ADRA1A: variants seen among roughly 807,000 people sequenced by gnomAD.
ADRA1A encodes the protein alpha-1A adrenergic receptor.
In ADRA1A, 31 loss-of-function variants were observed where a neutral mutation model predicts 29.6. The ratio of observed to expected loss-of-function variants is 1.05; its 90% CI spans 0.79 to 1.41. The LOEUF is 1.41. ADRA1A is among the 40% of genes most tolerant of loss of function. The pLI is 0.00. For missense variants in ADRA1A, 619 were observed against 601.1 expected (o/e 1.03, Z -0.31); for synonymous variants, 311 against 254.3 (o/e 1.22, Z -2.12).
chr8:26,857,870 T>C (rs1183883290), intron 2 of ADRA1A, among the ~76,000 whole-genome samples: 1 of 152,204 alleles, frequency 6.6e-6, no homozygotes, highest in African/African-American at 2.4e-5. Flanking sequence ...TTTTTCCTTG[T>C]CATTTTTCAT....
intron 2 of ADRA1A, among the ~76,000 whole-genome samples, chr8:26,759,422 A>G (rs530801685): frequency 6.6e-6 from 1 of 152,310 alleles, no homozygotes; most frequent in South Asian, 2.1e-4. Flanking sequence ...TTATTTAAAT[A>G]TTTGTAATGC....
chr8:26,847,215 A>G (rs1456640767), intron 2 of ADRA1A, among the ~76,000 whole-genome samples: 1 of 152,096 alleles, frequency 6.6e-6, no homozygotes, highest in African/African-American at 2.4e-5. Flanking sequence ...AACTTAAAGT[A>G]TAATAATAAT....
At position 26,768,869 on chromosome 8, in the gene ADRA1A, C is replaced by T; in HGVS notation, c.*1280G>A. The T allele has an allele frequency of 1.0e-6, 1 of 985,078 alleles. No homozygotes were observed. Among genetic ancestry groups the T allele is most frequent in the Non-Finnish European group, 1.2e-6 (1 of 829,670 alleles). 61.0% of individuals were successfully genotyped at this position (985,078 alleles called of 1,614,324 possible). A position where few individuals can be genotyped will look rare whatever the true frequency, so the allele number is the denominator to read the frequency against. ...TACATAAAGCAAAATATAGCATGTTCCCCAAGCTCTTGCAGAAAAGTAGGA... is the reference window on the plus strand; with the variant it reads ...TACATAAAGCAAAATATAGCATGTTTCCCAAGCTCTTGCAGAAAAGTAGGA... On this transcript the variant is annotated 3_prime_UTR_variant, in exon 3 of 3. Transcript: ENST00000380573.
chr8:26,796,054 G>A lies in ADRA1A; in HGVS notation c.884-25388C>T, dbSNP rs1808170293. The stretch of plus-strand genomic sequence containing the variant: ...TTTGTTTAGATATAATAGTATTATT[G>A]TTATACATTTCAAAAAAAGAGTAAT... On this transcript the variant is annotated intron_variant, in intron 2 of 2. Coordinates refer to ENST00000380573, the MANE Select transcript of ADRA1A (RefSeq NM_000680.4). The surrounding 1 kb of genome is among the most constrained non-coding windows in gnomAD (Gnocchi z 5.0). Among the ~76,000 whole-genome samples the A allele has an allele frequency of 6.6e-6, 1 of 151,988 alleles. No individual in the cohort carries two copies. The highest frequency in any genetic ancestry group is 2.4e-5 in the African/African-American group (1 of 41,404).
chr8:26,804,831 T>C (rs1332224046), intron 2 of ADRA1A, among the ~76,000 whole-genome samples: 1 of 152,214 alleles, frequency 6.6e-6, no homozygotes, highest in Non-Finnish European at 1.5e-5. Flanking sequence ...ATAGTAATTA[T>C]AAGATCTGAT....
chr8:26,783,155 C>T (rs1435897333), intron 2 of ADRA1A, among the ~76,000 whole-genome samples: 2 of 152,152 alleles, frequency 1.3e-5, no homozygotes, highest in African/African-American at 4.8e-5. Flanking sequence ...CACTATCCCT[C>T]CCTTGAGTAA....
rs1014696145 is a variant in ADRA1A, at chr8:26,823,509, T to C, written c.883+40578A>G. Among the ~76,000 whole-genome samples the C allele has an allele frequency of 5.3e-5, 8 of 152,296 alleles. No homozygotes were observed. Among genetic ancestry groups the C allele is most frequent in the African/African-American group, 1.9e-4 (8 of 41,568 alleles). ...TATTGTTCTCTCATAAAAACTGAAT[T>C]CTATGAAGAACAAAACCTTTCCTCC... is the stretch of plus-strand genomic sequence containing the variant. On this transcript the variant is annotated intron_variant, in intron 2 of 2. Coordinates refer to ENST00000380573, the MANE Select transcript of ADRA1A (RefSeq NM_000680.4). This position sits in a 1 kb window ranked among gnomAD's most constrained non-coding sequence, Gnocchi z 4.2.
At position 26,805,215 on chromosome 8, in the gene ADRA1A, C is replaced by T. The variant is rs1415883743; in HGVS notation, c.884-34549G>A. Among the ~76,000 whole-genome samples the T allele has an allele frequency of 4.6e-5, 7 of 152,354 alleles. No individual in the cohort carries two copies. The highest frequency in any genetic ancestry group is 4.1e-4 in the South Asian group (2 of 4,828). On this transcript the variant is annotated intron_variant, in intron 2 of 2. Transcript: ENST00000380573. This position sits in a 1 kb window ranked among gnomAD's most constrained non-coding sequence, Gnocchi z 4.8. ...TCACCTCTGCCTACCTGGCTCTTCACGTGAAGTCGCCTTCCTCATTTGTCC... is the reference window on the plus strand; with the variant it reads ...TCACCTCTGCCTACCTGGCTCTTCATGTGAAGTCGCCTTCCTCATTTGTCC...
intron 2 of ADRA1A, among the ~76,000 whole-genome samples, chr8:26,818,290 A>G (rs891581371): frequency 6.6e-6 from 1 of 152,218 alleles, no homozygotes; most frequent in Non-Finnish European, 1.5e-5. Context: ...ACTGGACACT[A>G]CAAAGATAAA....
At chr8:26,816,439 C>A (rs1396977821) in intron 2 of ADRA1A, among the ~76,000 whole-genome samples, 1 of 152,146 alleles carries the variant, frequency 6.6e-6, no homozygotes, top group Non-Finnish European at 1.5e-5. Context: ...CCATGTGCTG[C>A]CCCTGGAACC....
chr8:26,812,614 G>C (rs1809470108), intron 2 of ADRA1A, among the ~76,000 whole-genome samples: 1 of 148,648 alleles, frequency 6.7e-6, no homozygotes, highest in Non-Finnish European at 1.5e-5. Context: ...CCAAAAAAGG[G>C]AGTTGCCTTT....
chr8:26,789,034 C>T (rs1471436698), intron 2 of ADRA1A, among the ~76,000 whole-genome samples: 1 of 152,124 alleles, frequency 6.6e-6, no homozygotes, highest in Admixed American at 6.5e-5. Flanking sequence ...GCTGCATGCA[C>T]CAACACGTCA....
chr8:26,837,931 G>A (rs988575061), intron 2 of ADRA1A, among the ~76,000 whole-genome samples: 3 of 152,198 alleles, frequency 2.0e-5, no homozygotes, highest in Non-Finnish European at 4.4e-5. Flanking sequence ...AAGTAATACG[G>A]AAGACAGAAT....
chr8:26,805,545 C>G lies in ADRA1A; in HGVS notation c.884-34879G>C, dbSNP rs1002496375. 1.8e-4 allele frequency among the ~76,000 whole-genome samples: 27 copies of G among 152,240 alleles called. No individual in the cohort carries two copies. Among genetic ancestry groups the G allele is most frequent in the African/African-American group, 5.8e-4 (24 of 41,550 alleles). ...TAGCTCATTTAATTTTCCAAAAATG[C>G]TAGGAGGATACCAAGACATTAGTGT... On this transcript the variant is annotated intron_variant, in intron 2 of 2. Coordinates refer to ENST00000380573, the MANE Select transcript of ADRA1A (RefSeq NM_000680.4). The surrounding 1 kb of genome is among the most constrained non-coding windows in gnomAD (Gnocchi z 4.8).
downstream of ADRA1A, among the ~76,000 whole-genome samples, chr8:26,761,617 C>A (rs1248085556): frequency 1.3e-5 from 2 of 152,202 alleles, no homozygotes; most frequent in African/African-American, 4.8e-5. Flanking sequence ...CAGGAAACAA[C>A]CAGCCAACGC....
downstream of ADRA1A, among the ~76,000 whole-genome samples, chr8:26,752,705 G>C (rs1804971402): frequency 1.3e-5 from 2 of 152,270 alleles, no homozygotes; most frequent in Admixed American, 1.3e-4. Context: ...CAAGGACTTT[G>C]GGTGGAAAAT....
chr8:26,797,812 T>A (rs13256479), intron 2 of ADRA1A, among the ~76,000 whole-genome samples: 13,208 of 152,022 alleles, frequency 0.087, 902 homozygotes, highest in East Asian at 0.33. Flanking sequence ...CAAGAGGAAT[T>A]GCAAAGGAAA....
intron 2 of ADRA1A, among the ~76,000 whole-genome samples, chr8:26,858,289 C>A (rs1226624791): frequency 6.6e-6 from 1 of 152,220 alleles, no homozygotes; most frequent in East Asian, 1.9e-4. Flanking sequence ...AGAATTCAGA[C>A]ACGTAACTAT....
intron 2 of ADRA1A, among the ~76,000 whole-genome samples, chr8:26,846,019 A>G (rs1812170323): frequency 6.6e-6 from 1 of 152,224 alleles, no homozygotes; most frequent in African/African-American, 2.4e-5. Flanking sequence ...AACATTGCGA[A>G]TGTATTAAAT....
Sources: allele counts gnomAD v4.1 joint callset (sites outside exome capture counted in the v4.1 genomes callset), GRCh38; gene constraint gnomAD v4.1.1; non-coding constraint Gnocchi (gnomAD v3.1); transcripts MANE v1.5; gene names NCBI Gene and HGNC (gene_info 2026-07-23, HGNC 2026-07-21).